ASIC2: variants seen among roughly 807,000 people sequenced by gnomAD.
ASIC2 encodes acid sensing ion channel subunit 2.
In ASIC2, 25 loss-of-function variants were observed where a neutral mutation model predicts 57.3. The observed-to-expected ratio is 0.44, with a 90% CI of 0.32 to 0.61. ASIC2 has a LOEUF of 0.61. Ranked by LOEUF, ASIC2 falls within the 20% of genes least tolerant of loss-of-function variation. ASIC2 has a pLI of 0.06. For missense variants in ASIC2, 641 were observed against 738.1 expected, an observed-to-expected ratio of 0.87 and a Z score of 1.52; for synonymous variants, 319 against 307.5, an observed-to-expected ratio of 1.04 and a Z score of -0.39.
intron 1 of ASIC2, among the ~76,000 whole-genome samples, chr17:33,810,523 T>C (rs1001543463): frequency 6.6e-6 from 1 of 152,168 alleles, no homozygotes; most frequent in Non-Finnish European, 1.5e-5. Flanking sequence ...CTGCTTTATA[T>C]CTGCCCATCT....
At chr17:33,671,963 T>A (rs926615652) in intron 1 of ASIC2, among the ~76,000 whole-genome samples, 1 of 152,184 alleles carries the variant, frequency 6.6e-6, no homozygotes, top group Admixed American at 6.5e-5. Context: ...CAATTGAAAT[T>A]GCACTCTTCT....
intron 1 of ASIC2, among the ~76,000 whole-genome samples, chr17:33,493,222 A>G (rs943237694): frequency 5.3e-5 from 8 of 152,196 alleles, no homozygotes; most frequent in Non-Finnish European, 8.8e-5. Flanking sequence ...GGCTGGGCTT[A>G]GTCTTCACCT....
chr17:33,741,346 G>A lies in ASIC2; in HGVS notation c.555+414632C>T, dbSNP rs570834644. Among the ~76,000 whole-genome samples, 4 of 152,304 alleles carry A rather than the reference G, an allele frequency of 2.6e-5. No homozygotes were observed. The East Asian group carries it at 7.7e-4, about 29-fold the overall frequency. The stretch of plus-strand genomic sequence containing the variant: ...GCACTTTGTTCCTCATCTGTGATGT[G>A]AGAATTTCAATACCCATTATGCCTG... On this transcript the variant is annotated intron_variant, in intron 1 of 9. Coordinates refer to the ASIC2 transcript ENST00000359872.
intron 1 of ASIC2, among the ~76,000 whole-genome samples, chr17:33,609,896 A>C (rs924199566): frequency 2.0e-5 from 3 of 151,762 alleles, no homozygotes; most frequent in African/African-American, 7.3e-5. Flanking sequence ...AGAGGAGGGG[A>C]GGGGGGAAAA....
intron 1 of ASIC2, among the ~76,000 whole-genome samples, chr17:33,457,859 C>T (rs1197656728): frequency 6.6e-6 from 1 of 152,178 alleles, no homozygotes; most frequent in African/African-American, 2.4e-5. Context: ...TTGCTCAATG[C>T]CACATAATTC....
chr17:33,044,274 C>CCATT (rs1348576799), intron 3 of ASIC2, among the ~76,000 whole-genome samples: 7 of 147,408 alleles, frequency 4.7e-5, no homozygotes, highest in African/African-American at 1.9e-4. Context: ...ATCCATCCAT[C>CCATT]CATCCATCCA....
intron 1 of ASIC2, among the ~76,000 whole-genome samples, chr17:33,612,005 A>T (rs544560195): frequency 6.6e-6 from 1 of 152,354 alleles, no homozygotes; most frequent in East Asian, 1.9e-4. Context: ...AGAAGGGCTG[A>T]TACAGTAAAT....
intron 1 of ASIC2, among the ~76,000 whole-genome samples, chr17:33,129,298 T>C (rs2092336135): frequency 6.6e-6 from 1 of 152,226 alleles, no homozygotes; most frequent in Non-Finnish European, 1.5e-5. Context: ...GGTCTCCTTC[T>C]ATTAATGTTG....
chr17:33,270,777 G>A (rs962139169), intron 1 of ASIC2, among the ~76,000 whole-genome samples: 19 of 152,316 alleles, frequency 1.2e-4, no homozygotes, highest in Admixed American at 7.8e-4. Context: ...TCTGTAGTGT[G>A]TCTTACTGAC....
intron 1 of ASIC2, among the ~76,000 whole-genome samples, chr17:33,742,711 C>A (rs1188989142): frequency 6.6e-6 from 1 of 152,210 alleles, no homozygotes; most frequent in Non-Finnish European, 1.5e-5. Context: ...TAGCTCTCCC[C>A]AGGCATAATG....
At chr17:33,931,060 T>C (rs902641587) in intron 1 of ASIC2, 1 of 152,208 alleles carries the variant, frequency 6.6e-6, no homozygotes, top group Non-Finnish European at 1.5e-5. Flanking sequence ...CTGGGACTGA[T>C]GCAGTTTTAC....
chr17:33,620,912 C>T (rs909290083), intron 1 of ASIC2, among the ~76,000 whole-genome samples: 3 of 152,064 alleles, frequency 2.0e-5, no homozygotes, highest in Admixed American at 1.3e-4. Context: ...TCTCTGAGCC[C>T]GCCCCCTTCC....
At chr17:33,538,393 G>A (rs913587686) in intron 1 of ASIC2, among the ~76,000 whole-genome samples, 2 of 152,168 alleles carry the variant, frequency 1.3e-5, no homozygotes, top group African/African-American at 4.8e-5. Flanking sequence ...ATTCCCCATG[G>A]CATCCACAAT....
At chr17:33,194,894 C>G (rs1457607078) in intron 1 of ASIC2, among the ~76,000 whole-genome samples, 1 of 152,176 alleles carries the variant, frequency 6.6e-6, no homozygotes, top group African/African-American at 2.4e-5. Flanking sequence ...CAAAGCCTAT[C>G]GCAATAGGCA....
At chr17:34,031,083 C>T (rs923724620) in intron 1 of ASIC2, among the ~76,000 whole-genome samples, 1 of 152,200 alleles carries the variant, frequency 6.6e-6, no homozygotes, top group Non-Finnish European at 1.5e-5. Context: ...GTCCCTGACC[C>T]CTGAGCAGCC....
chr17:33,511,189 C>T (rs928507093), intron 1 of ASIC2, among the ~76,000 whole-genome samples: 6 of 128,836 alleles, frequency 4.7e-5, no homozygotes, highest in Non-Finnish European at 6.3e-5. Flanking sequence ...CTTGGTTCAT[C>T]GGCCATACCC....
At chr17:33,088,721 G>A in intron 3 of ASIC2, 142 bp downstream of exon 3, 1 of 1,228,132 alleles carries the variant, frequency 8.1e-7, no homozygotes, top group Non-Finnish European at 1.1e-6. Context: ...AGGAGAACTG[G>A]TGACGAAGGT....
At chr17:33,489,458 C>T (rs553701779) in intron 1 of ASIC2, among the ~76,000 whole-genome samples, 9 of 152,306 alleles carry the variant, frequency 5.9e-5, no homozygotes, top group Non-Finnish European at 1.0e-4. Context: ...GGCTCTGCTT[C>T]GCTCTCTTCA....
intron 1 of ASIC2, among the ~76,000 whole-genome samples, chr17:33,753,078 G>T (rs1339691451): frequency 6.6e-6 from 1 of 152,204 alleles, no homozygotes; most frequent in East Asian, 1.9e-4. Flanking sequence ...TTAATAGGTG[G>T]ATGAATACAC....
Sources: allele counts gnomAD v4.1 joint callset (sites outside exome capture counted in the v4.1 genomes callset), GRCh38; gene constraint gnomAD v4.1.1; transcripts MANE v1.5; gene names NCBI Gene and HGNC (gene_info 2026-07-23, HGNC 2026-07-21).